The following KCNMA1 variants were observed in gnomAD, a reference collection of about 807,000 sequenced individuals.
The protein encoded by KCNMA1 is Calcium-activated potassium channel subunit alpha-1.
In KCNMA1, 29 loss-of-function variants were observed where a neutral mutation model predicts 140.0. The ratio of observed to expected loss-of-function variants is 0.21; its 90% CI spans 0.15 to 0.28. The LOEUF is 0.28. Ranked by LOEUF, KCNMA1 falls within the 10% of genes least tolerant of loss-of-function variation. KCNMA1 has a pLI of 1.00. For synonymous variants in KCNMA1, 612 were observed against 611.9 expected (o/e 1.00, Z 0.00); for missense variants, 880 against 1,602.2 (o/e 0.55, Z 7.70).
chr10:76,977,598 C>T (rs188068418), intron 19 of KCNMA1: 74 of 702,956 alleles, frequency 1.1e-4, no homozygotes, highest in Non-Finnish European at 1.8e-4. Context: ...TCACATTTCC[C>T]TTGCTTTCCA....
chr10:77,580,324 T>C (rs1268692987), intron 1 of KCNMA1, among the ~76,000 whole-genome samples: 12 of 143,532 alleles, frequency 8.4e-5, no homozygotes. Flanking sequence ...GAGCTTGCAG[T>C]GAGCCGAGAT....
intron 2 of KCNMA1, among the ~76,000 whole-genome samples, chr10:77,387,229 T>C (rs1328400257): frequency 6.6e-6 from 1 of 152,034 alleles, no homozygotes; most frequent in Admixed American, 6.6e-5. Context: ...GATGGAAAAA[T>C]CTGAAGTCAG....
At chr10:77,248,610 A>C (rs1486197378) in intron 3 of KCNMA1, among the ~76,000 whole-genome samples, 1 of 152,320 alleles carries the variant, frequency 6.6e-6, no homozygotes, top group African/African-American at 2.4e-5. Flanking sequence ...CCAAACCATG[A>C]ATGTGTAAAA....
intron 2 of KCNMA1, among the ~76,000 whole-genome samples, chr10:77,295,654 G>A (rs12049739): frequency 2.7e-5 from 4 of 150,168 alleles, no homozygotes; most frequent in Admixed American, 6.6e-5. Flanking sequence ...GGTGGCGGGC[G>A]CCTGTAGTCC....
At chr10:77,534,229 A>G (rs1258117734) in intron 1 of KCNMA1, among the ~76,000 whole-genome samples, 1 of 152,248 alleles carries the variant, frequency 6.6e-6, no homozygotes, top group Middle Eastern at 3.2e-3. Flanking sequence ...GCCAAACAGC[A>G]GAAACAGCCT....
intron 10 of KCNMA1, among the ~76,000 whole-genome samples, chr10:77,088,215 C>T (rs2096736511): frequency 6.6e-6 from 1 of 152,156 alleles, no homozygotes; most frequent in African/African-American, 2.4e-5. Context: ...CCCACCTTGC[C>T]CTCCCAAAGT....
intron 1 of KCNMA1, among the ~76,000 whole-genome samples, chr10:77,512,034 T>C (rs2048582065): frequency 6.6e-6 from 1 of 152,144 alleles, no homozygotes; most frequent in African/African-American, 2.4e-5. Flanking sequence ...ATTGAGGTGT[T>C]TGATGGTGAG....
At chr10:76,983,595 C>T (rs375268368) in intron 19 of KCNMA1, among the ~76,000 whole-genome samples, 6 of 152,028 alleles carry the variant, frequency 3.9e-5, no homozygotes, top group African/African-American at 1.4e-4. Context: ...GGCATGGTGG[C>T]ATATGCCTGT....
intron 9 of KCNMA1, among the ~76,000 whole-genome samples, chr10:77,100,895 G>C (rs2097081106): frequency 6.6e-6 from 1 of 151,888 alleles, no homozygotes; most frequent in African/African-American, 2.4e-5. Context: ...TGAAAATCTA[G>C]GCTTGAATAC....
chr10:76,912,140 C>G (rs541489833), intron 24 of KCNMA1: 1 of 152,196 alleles, frequency 6.6e-6, no homozygotes, highest in Admixed American at 6.5e-5. Context: ...GCAAGCAATG[C>G]TACTCAAGGC....
At chr10:77,625,198 G>C (rs992203707) in intron 1 of KCNMA1, among the ~76,000 whole-genome samples, 1 of 152,086 alleles carries the variant, frequency 6.6e-6, no homozygotes, top group Non-Finnish European at 1.5e-5. Context: ...TCCAGACCAT[G>C]GTGAAACCCC....
intron 1 of KCNMA1, among the ~76,000 whole-genome samples, chr10:77,628,169 G>A (rs962987269): frequency 6.6e-6 from 1 of 152,176 alleles, no homozygotes; most frequent in Non-Finnish European, 1.5e-5. Flanking sequence ...CAGCCCAACA[G>A]CCTGTAGATA....
intron 1 of KCNMA1, among the ~76,000 whole-genome samples, chr10:77,577,275 C>G (rs946454333): frequency 6.6e-6 from 1 of 152,060 alleles, no homozygotes; most frequent in Non-Finnish European, 1.5e-5. Context: ...GTCTTGAACT[C>G]CTGACCTTGT....
rs1284386460 is a variant in KCNMA1, at chr10:77,309,853, C to T, written c.541-58597G>A. ...ATGAGTCCCACAGCCTCTCTGGTCTCAGTTCCTCATCTATAATTTGCAGGT... is the reference window on the plus strand; with the variant it reads ...ATGAGTCCCACAGCCTCTCTGGTCTTAGTTCCTCATCTATAATTTGCAGGT... On this transcript the variant is annotated intron_variant, in intron 2 of 27. Transcript: ENST00000286628. 2.0e-5 allele frequency among the ~76,000 whole-genome samples: 3 copies of T among 152,190 alleles called. No homozygotes were observed. The East Asian group carries it at 5.8e-4, about 29-fold the overall frequency.
chr10:77,394,629 T>C (rs1482803207), intron 2 of KCNMA1, among the ~76,000 whole-genome samples: 1 of 152,236 alleles, frequency 6.6e-6, no homozygotes, highest in Non-Finnish European at 1.5e-5. Context: ...GCTATGGAAC[T>C]TGGGGACCCA....
At chr10:77,275,107 G>C (rs371315882) in intron 2 of KCNMA1, among the ~76,000 whole-genome samples, 1 of 152,132 alleles carries the variant, frequency 6.6e-6, no homozygotes, top group Admixed American at 6.5e-5. Context: ...CTCCTTCATG[G>C]GCAACTGGAT....
rs16934371 is a variant in KCNMA1, at chr10:77,222,795, T to C, written c.602+28400A>G. 3.0e-3 allele frequency among the ~76,000 whole-genome samples: 464 copies of C among 152,360 alleles called. 17 individuals carry two copies. In the East Asian group the frequency reaches 0.055, roughly 18 times the overall value. On this transcript the variant is annotated intron_variant, in intron 3 of 27. Transcript: ENST00000286628. ...CCCAGAAAAAAGAACTTTAGCTTTA[T>C]TATCTGAGACAGGCAGAGGATTGAA...
chr10:76,983,446 T>C (rs78566866), intron 19 of KCNMA1, among the ~76,000 whole-genome samples: 8,757 of 152,250 alleles, frequency 0.058, 284 homozygotes, highest in Non-Finnish European at 0.07. Context: ...AATTTAATAA[T>C]GAAGGGCTGG....
At chr10:77,130,487 G>C (rs1054915691) in intron 5 of KCNMA1, among the ~76,000 whole-genome samples, 4 of 152,110 alleles carry the variant, frequency 2.6e-5, no homozygotes, top group Non-Finnish European at 4.4e-5. Context: ...TGGTTAAATT[G>C]AGAAGCATCT....
Sources: allele counts gnomAD v4.1 joint callset (sites outside exome capture counted in the v4.1 genomes callset), GRCh38; gene constraint gnomAD v4.1.1; transcripts MANE v1.5; gene names NCBI Gene and HGNC (gene_info 2026-07-23, HGNC 2026-07-21).